The following TENM3 variants were observed in gnomAD, a reference collection of about 807,000 sequenced individuals.
TENM3 encodes the protein teneurin transmembrane protein 3.
In TENM3, 63 loss-of-function variants were observed where a neutral mutation model predicts 255.1. That is an observed-to-expected ratio of 0.25 (90% confidence interval 0.20 to 0.30). The LOEUF is 0.30. Ranked by LOEUF, TENM3 falls within the 10% of genes least tolerant of loss-of-function variation. The pLI is 1.00. For synonymous variants in TENM3, 1,306 were observed against 1,322.3 expected, an observed-to-expected ratio of 0.99 and a Z score of 0.27; for missense variants, 2,929 against 3,461.1, an observed-to-expected ratio of 0.85 and a Z score of 3.86.
the TENM3 span, among the ~76,000 whole-genome samples, chr4:181,912,114 TA>T: frequency 2.0e-5 from 3 of 152,192 alleles, no homozygotes; most frequent in Non-Finnish European, 4.4e-5. Flanking sequence ...CAAAGCTATT[TA>T]AGCTATTGTG....
chr4:182,718,410 G>A (rs1409317969), intron 13 of TENM3, among the ~76,000 whole-genome samples: 2 of 152,108 alleles, frequency 1.3e-5, no homozygotes, highest in African/African-American at 4.8e-5. Context: ...TCATGGTTGT[G>A]TGTGGCCTGG....
chr4:181,807,995 C>A, the TENM3 span, among the ~76,000 whole-genome samples: 1 of 152,140 alleles, frequency 6.6e-6, no homozygotes, highest in Non-Finnish European at 1.5e-5. Flanking sequence ...TAAACAGTTT[C>A]AATCTAGGTG....
intron 13 of TENM3, among the ~76,000 whole-genome samples, chr4:182,720,609 TG>T (rs1759639606): frequency 6.6e-6 from 1 of 152,172 alleles, no homozygotes; most frequent in African/African-American, 2.4e-5. Flanking sequence ...AATCCCATTC[TG>T]GGGGAAGAAC....
intron 13 of TENM3, among the ~76,000 whole-genome samples, chr4:182,720,745 T>C (rs1359453746): frequency 6.7e-6 from 1 of 150,318 alleles, no homozygotes; most frequent in African/African-American, 2.4e-5. Flanking sequence ...GCCACACGGG[T>C]TGGTACTAAA....
At chr4:182,158,631 GA>G (rs1750883228) in intron 1 of TENM3, among the ~76,000 whole-genome samples, 1 of 152,158 alleles carries the variant, frequency 6.6e-6, no homozygotes, top group Non-Finnish European at 1.5e-5. Context: ...TCATGGCAGG[GA>G]GGGAACGGGT....
the TENM3 span, among the ~76,000 whole-genome samples, chr4:181,611,897 A>G: frequency 6.6e-6 from 1 of 152,244 alleles, no homozygotes; most frequent in African/African-American, 2.4e-5. Context: ...GTGTAAAATC[A>G]CTTTGGAAAT....
chr4:182,007,931 T>C, the TENM3 span, among the ~76,000 whole-genome samples: 1 of 152,156 alleles, frequency 6.6e-6, no homozygotes, highest in African/African-American at 2.4e-5. Flanking sequence ...GGTAACAAAA[T>C]CCCCCAGCAT....
At chr4:181,715,357 T>C in the TENM3 span, among the ~76,000 whole-genome samples, 1 of 152,204 alleles carries the variant, frequency 6.6e-6, no homozygotes, top group South Asian at 2.1e-4. Flanking sequence ...CTTGTGTCTA[T>C]TTCTTTTACT....
chr4:181,986,415 T>C, the TENM3 span, among the ~76,000 whole-genome samples: 98 of 152,198 alleles, frequency 6.4e-4, 1 homozygote, highest in African/African-American at 2.1e-3. Context: ...CCAAGTGTTC[T>C]GGCTCTGCTC....
intron 3 of TENM3, among the ~76,000 whole-genome samples, chr4:182,534,543 G>C (rs964899722): frequency 6.6e-6 from 1 of 152,160 alleles, no homozygotes; most frequent in Admixed American, 6.5e-5. Flanking sequence ...TGTACACAGT[G>C]GAGACAGTAA....
At chr4:182,564,919 A>G (rs1389506269) in intron 3 of TENM3, among the ~76,000 whole-genome samples, 1 of 152,136 alleles carries the variant, frequency 6.6e-6, no homozygotes, top group Non-Finnish European at 1.5e-5. Context: ...TGAACAGCTC[A>G]TTACAACATG....
At chr4:181,867,996 T>C in the TENM3 span, among the ~76,000 whole-genome samples, 1 of 152,202 alleles carries the variant, frequency 6.6e-6, no homozygotes. Flanking sequence ...TGTTATTTCT[T>C]CCAGACATCT....
the TENM3 span, among the ~76,000 whole-genome samples, chr4:181,605,533 A>AG: frequency 4.2e-5 from 1 of 24,084 alleles, no homozygotes; most frequent in Admixed American, 6.3e-4. Context: ...AAAGAAAGAA[A>AG]GAAAGAAAGA....
chr4:181,864,539 A>T, the TENM3 span, among the ~76,000 whole-genome samples: 1 of 152,212 alleles, frequency 6.6e-6, no homozygotes, highest in Admixed American at 6.5e-5. Flanking sequence ...TATACAAAAC[A>T]TCTTATAATC....
chr4:181,732,075 T>C, the TENM3 span, among the ~76,000 whole-genome samples: 1 of 152,336 alleles, frequency 6.6e-6, no homozygotes, highest in Non-Finnish European at 1.5e-5. Context: ...AAAAAAGTTA[T>C]CTTGCATATA....
chr4:182,440,953 G>T (rs1404389851), intron 3 of TENM3, among the ~76,000 whole-genome samples: 1 of 152,022 alleles, frequency 6.6e-6, no homozygotes, highest in Non-Finnish European at 1.5e-5. Flanking sequence ...GTTCCCGATA[G>T]TTACCTTTTC....
chr4:182,593,342 T>C (rs918983442), intron 3 of TENM3, among the ~76,000 whole-genome samples: 2 of 152,064 alleles, frequency 1.3e-5, no homozygotes, highest in African/African-American at 2.4e-5. Context: ...ACTGTTTCTG[T>C]CTCTCTGTCT....
the TENM3 span, among the ~76,000 whole-genome samples, chr4:182,106,511 G>A: frequency 2.0e-5 from 3 of 152,142 alleles, no homozygotes; most frequent in African/African-American, 7.2e-5. Flanking sequence ...CAAAAGGTCA[G>A]TCAGACTTCT....
At chr4:181,781,741 C>T in the TENM3 span, among the ~76,000 whole-genome samples, 8,601 of 152,194 alleles carry the variant, frequency 0.057, 455 homozygotes, top group African/African-American at 0.14. Flanking sequence ...TTCTGTATGA[C>T]ATTGGCTGTG....
Sources: allele counts gnomAD v4.1 joint callset (sites outside exome capture counted in the v4.1 genomes callset), GRCh38; gene constraint gnomAD v4.1.1; transcripts MANE v1.5; gene names NCBI Gene and HGNC (gene_info 2026-07-23, HGNC 2026-07-21).